Variants in KIAA0232 observed in about 807,000 individuals in gnomAD.
KIAA0232 encodes the protein uncharacterized protein KIAA0232.
A neutral mutation model predicts 122.0 loss-of-function variants in KIAA0232; 27 were observed. The ratio of observed to expected loss-of-function variants is 0.22; its 90% CI spans 0.16 to 0.31. The LOEUF is 0.31. Among genes scored for constraint, KIAA0232 ranks in the 10% least tolerant of loss-of-function variants. KIAA0232 has a pLI of 1.00. For synonymous variants in KIAA0232, 613 were observed against 587.6 expected, an observed-to-expected ratio of 1.04 and a Z score of -0.63; for missense variants, 1,551 against 1,634.2, an observed-to-expected ratio of 0.95 and a Z score of 0.88.
At chr4:6,804,977 T>TA (rs1379491918) in intron 2 of KIAA0232, among the ~76,000 whole-genome samples, 1 of 147,168 alleles carries the variant, frequency 6.8e-6, no homozygotes, top group Non-Finnish European at 1.5e-5. Context: ...TCCGGGTGCA[T>TA]ATTAGCCTAT....
At chr4:6,873,346 T>TAGG (rs1317662293) in intron 8 of KIAA0232, among the ~76,000 whole-genome samples, 6 of 152,220 alleles carry the variant, frequency 3.9e-5, no homozygotes, top group African/African-American at 1.4e-4. Flanking sequence ...GCCAGGGCAG[T>TAGG]AGGAGTAGGA....
At chr4:6,838,484 C>T (rs145634346) in intron 3 of KIAA0232, among the ~76,000 whole-genome samples, 323 of 152,216 alleles carry the variant, frequency 2.1e-3, no homozygotes, top group Non-Finnish European at 3.4e-3. Context: ...CCACCATATG[C>T]CCCACCTAAA....
intron 1 of KIAA0232, among the ~76,000 whole-genome samples, chr4:6,787,406 G>GTCT (rs1716676736): frequency 6.6e-6 from 1 of 152,216 alleles, no homozygotes; most frequent in African/African-American, 2.4e-5. Context: ...AAGTCAGTCA[G>GTCT]TCTTTATTTG....
intron 2 of KIAA0232, among the ~76,000 whole-genome samples, chr4:6,818,340 C>T (rs1312334208): frequency 6.8e-6 from 1 of 146,114 alleles, no homozygotes; most frequent in Non-Finnish European, 1.5e-5. Context: ...GCGGAGTTTG[C>T]AGTGAGCCAA....
At chr4:6,859,976 G>A (rs554176207) in intron 6 of KIAA0232, among the ~76,000 whole-genome samples, 3 of 152,046 alleles carry the variant, frequency 2.0e-5, no homozygotes, top group Non-Finnish European at 4.4e-5. Flanking sequence ...AGCATAACAT[G>A]TGTGTCTTGG....
chr4:6,830,336 G>T (rs771559911), intron 3 of KIAA0232, among the ~76,000 whole-genome samples: 4 of 151,468 alleles, frequency 2.6e-5, no homozygotes, highest in Non-Finnish European at 4.4e-5. Flanking sequence ...GCTGACCCCA[G>T]TGGCAACTTG....
Position 6,862,693 on chromosome 4 carries a change from A to G in KIAA0232, c.2311A>G (p.Ser771Gly). The G allele has an allele frequency of 1.2e-6, 2 of 1,611,410 alleles. No individual in the cohort carries two copies. Among genetic ancestry groups the G allele is most frequent in the South Asian group, 1.1e-5 (1 of 90,130 alleles). The change falls in exon 7 of 10, where the codon AGT becomes GGT. Residue 771 changes from serine to glycine, a missense_variant. Transcript: ENST00000307659. ...FLQDETCQQN[S>G]RTLGEIPTLV... ...GCAAGATGAAACTTGCCAGCAAAAC[A>G]GTAGAACTTTAGGTGAGATTCCTAC...
intron 9 of KIAA0232, among the ~76,000 whole-genome samples, chr4:6,877,532 G>A (rs1721822259): frequency 6.6e-6 from 1 of 152,010 alleles, no homozygotes; most frequent in Non-Finnish European, 1.5e-5. Flanking sequence ...CGATCACAAG[G>A]TCCCACAATA....
chr4:6,836,546 C>CTTTTTTTTTTTTTTTTTTTTTTTCTTTTT (rs1173281370), intron 3 of KIAA0232, among the ~76,000 whole-genome samples: 2 of 82,084 alleles, frequency 2.4e-5, no homozygotes, highest in African/African-American at 9.1e-5. Context: ...TTTTTCTTTT[C>CTTTTTTTTTTTTTTTTTTTTTTTCTTTTT]TTTTTTTTTT....
chr4:6,840,975 A>G (rs1719626111), intron 3 of KIAA0232, among the ~76,000 whole-genome samples: 1 of 152,216 alleles, frequency 6.6e-6, no homozygotes, highest in Non-Finnish European at 1.5e-5. Context: ...AACGTAGTAC[A>G]TTAAGCCTTA....
rs769849682 is a variant in KIAA0232, at chr4:6,862,215, A to G, written c.1833A>G (p.Pro611=). 3.1e-6 allele frequency: 5 copies of G among 1,614,156 alleles called. No homozygotes were observed. In the Admixed American group the frequency reaches 5.0e-5, roughly 16 times the overall value. Residue 611 remains proline, a synonymous_variant, in exon 7 of 10, where the codon CCA becomes CCG. Coordinates refer to ENST00000307659, the MANE Select transcript of KIAA0232 (RefSeq NM_014743.3). ...GGGAGAGTTTTGGAGGAGACTCTCC[A>G]GTTAGACTCTCTCCCATCTTAGACA... ...ADGESFGGDS[P]VRLSPILDST...
intron 2 of KIAA0232, among the ~76,000 whole-genome samples, chr4:6,810,244 A>T (rs1416727960): frequency 6.6e-6 from 1 of 152,232 alleles, no homozygotes; most frequent in Non-Finnish European, 1.5e-5. Context: ...AGACAATGGC[A>T]CAGAATAGAG....
intron 4 of KIAA0232, among the ~76,000 whole-genome samples, chr4:6,848,323 A>G (rs904729951): frequency 1.3e-5 from 2 of 152,226 alleles, no homozygotes; most frequent in African/African-American, 4.8e-5. Flanking sequence ...TTTACCTTCA[A>G]GGTTAATTTT....
At chr4:6,815,942 A>G (rs998533472) in intron 2 of KIAA0232, among the ~76,000 whole-genome samples, 18 of 152,184 alleles carry the variant, frequency 1.2e-4, no homozygotes, top group African/African-American at 4.1e-4. Flanking sequence ...TCACTTGGCT[A>G]AATAAATGTG....
intron 3 of KIAA0232, among the ~76,000 whole-genome samples, chr4:6,825,536 C>G (rs1560176479): frequency 6.6e-6 from 1 of 152,054 alleles, no homozygotes; most frequent in East Asian, 1.9e-4. Flanking sequence ...GCCTTGGCAA[C>G]AGAGCAAGAC....
chr4:6,840,681 T>G lies in KIAA0232; in HGVS notation c.232-1386T>G, dbSNP rs185341804. Among the ~76,000 whole-genome samples the G allele has an allele frequency of 2.2e-4, 34 of 152,300 alleles. 1 individual carries two copies. The highest frequency in any genetic ancestry group is 1.0e-3 in the Admixed American group (16 of 15,302). On this transcript the variant is annotated intron_variant, in intron 3 of 9. Transcript: ENST00000307659. Reference sequence around the variant, plus strand: ...TTTAAGATTAGGACTGAGTAACTATTTGACAAATGTCTAATATTTTATGTT... The same window carrying G: ...TTTAAGATTAGGACTGAGTAACTATGTGACAAATGTCTAATATTTTATGTT...
Position 6,861,517 on chromosome 4 carries a change from G to A in KIAA0232, c.1135G>A (p.Gly379Arg). The change falls in exon 7 of 10, where the codon GGG becomes AGG. Residue 379 changes from glycine to arginine, a missense_variant. Around this residue, in one of 5 missense-constraint regions of KIAA0232, gnomAD observed 377 missense variants for 381.7 expected, o/e 0.99. Transcript: ENST00000307659. ...PLKEIGRKDP[G>R]STEGKDLYME... The stretch of plus-strand genomic sequence containing the variant: ...AAAAGAAATAGGGAGAAAAGATCCT[G>A]GGAGCACTGAAGGAAAAGACCTGTA... 5 of 1,614,080 alleles carry A rather than the reference G, an allele frequency of 3.1e-6. No homozygotes were observed. Among genetic ancestry groups the A allele is most frequent in the Non-Finnish European group, 4.2e-6 (5 of 1,180,008 alleles).
intron 6 of KIAA0232, 36 bp from the exon 7 acceptor site, chr4:6,860,865 A>G: frequency 3.2e-6 from 5 of 1,567,792 alleles, no homozygotes; most frequent in Non-Finnish European, 3.5e-6. Context: ...AAAAATCTGC[A>G]TACTCGTGTT....
intron 4 of KIAA0232, among the ~76,000 whole-genome samples, chr4:6,852,801 T>TTTCCTCACA: frequency 6.6e-6 from 1 of 152,364 alleles, no homozygotes; most frequent in East Asian, 1.9e-4. Context: ...ATGTGACTGG[T>TTTCCTCACA]GCTTCAGCAA....
Sources: allele counts gnomAD v4.1 joint callset (sites outside exome capture counted in the v4.1 genomes callset), GRCh38; gene constraint gnomAD v4.1.1; regional missense constraint gnomAD v4.1.1; transcripts MANE v1.5; gene names NCBI Gene and HGNC (gene_info 2026-07-23, HGNC 2026-07-21).